Variants in NCAM2 observed in about 807,000 individuals in gnomAD.
The protein encoded by NCAM2 is N-CAM-2.
A neutral mutation model predicts 98.1 loss-of-function variants in NCAM2; 30 were observed. That is an observed-to-expected ratio of 0.31 (90% CI 0.23 to 0.41). The LOEUF is 0.41. Ranked by LOEUF, NCAM2 falls within the 10% of genes least tolerant of loss-of-function variation. NCAM2 has a pLI of 1.00. For synonymous variants in NCAM2, 368 were observed against 342.4 expected (o/e 1.07, Z -0.83); for missense variants, 867 against 1,005.8 (o/e 0.86, Z 1.87).
intron 1 of NCAM2, among the ~76,000 whole-genome samples, chr21:21,226,465 AC>A (rs902647854): frequency 2.8e-4 from 42 of 152,250 alleles, no homozygotes; most frequent in Non-Finnish European, 2.1e-4. Context: ...AATCCCTGAT[AC>A]AATTTTCTTT....
chr21:21,010,102 G>A (rs1445634347), intron 1 of NCAM2, among the ~76,000 whole-genome samples: 1 of 151,960 alleles, frequency 6.6e-6, no homozygotes, highest in Non-Finnish European at 1.5e-5. Context: ...AACACAGTTT[G>A]CAATTAAAGA....
chr21:21,389,078 G>A (rs546266420), intron 9 of NCAM2, among the ~76,000 whole-genome samples: 12 of 152,240 alleles, frequency 7.9e-5, no homozygotes, highest in South Asian at 2.1e-4. Context: ...AGAACTGTAC[G>A]AGTCTGTTCT....
intron 1 of NCAM2, among the ~76,000 whole-genome samples, chr21:21,251,553 C>G (rs2071471191): frequency 6.6e-6 from 1 of 152,040 alleles, no homozygotes; most frequent in Non-Finnish European, 1.5e-5. Context: ...TCCAGTCTAT[C>G]ATTGATGCGC....
intron 11 of NCAM2, among the ~76,000 whole-genome samples, chr21:21,424,545 G>A (rs982101497): frequency 6.6e-6 from 1 of 152,062 alleles, no homozygotes; most frequent in Non-Finnish European, 1.5e-5. Flanking sequence ...AACAGGTCCA[G>A]GGAAGATGAA....
At chr21:21,236,765 TG>T (rs1568813481) in intron 1 of NCAM2, among the ~76,000 whole-genome samples, 1 of 44,616 alleles carries the variant, frequency 2.2e-5, no homozygotes. Context: ...TATGTGTGTG[TG>T]TGTGTGTGTG....
intron 1 of NCAM2, among the ~76,000 whole-genome samples, chr21:21,007,975 C>A (rs2064141235): frequency 1.3e-5 from 2 of 152,128 alleles, no homozygotes; most frequent in Non-Finnish European, 2.9e-5. Flanking sequence ...TCCATTCTCT[C>A]ACTTAATTTT....
At chr21:21,332,198 A>G (rs779473092) in intron 6 of NCAM2, among the ~76,000 whole-genome samples, 4 of 152,084 alleles carry the variant, frequency 2.6e-5, no homozygotes, top group Non-Finnish European at 4.4e-5. Context: ...GTGAGCCACC[A>G]TGCCCAGCCA....
chr21:21,430,482 G>A (rs1328738844), intron 11 of NCAM2, among the ~76,000 whole-genome samples: 1 of 148,760 alleles, frequency 6.7e-6, no homozygotes, highest in Non-Finnish European at 1.5e-5. Context: ...TTGACTCACA[G>A]TTCTGCATTC....
chr21:21,038,261 T>A (rs1186857128), intron 1 of NCAM2, among the ~76,000 whole-genome samples: 1 of 152,256 alleles, frequency 6.6e-6, no homozygotes, highest in Non-Finnish European at 1.5e-5. Context: ...GCTGAAATTT[T>A]GTATATAAAA....
intron 8 of NCAM2, among the ~76,000 whole-genome samples, chr21:21,358,550 GT>G (rs2075559129): frequency 6.6e-6 from 1 of 151,872 alleles, no homozygotes. Flanking sequence ...AATTATTACG[GT>G]TTTGATATTA....
In NCAM2 at chr21:21,489,407, C is replaced by G. The variant is rs553655262; in HGVS notation, c.2077+11936C>G. 2.6e-5 allele frequency among the ~76,000 whole-genome samples: 4 copies of G among 151,868 alleles called. No individual in the cohort carries two copies. The South Asian group carries it at 6.2e-4, about 24-fold the overall frequency. ...CTATTTCTGTCTCTTCCTCCTTTCT[C>G]TTTCTCTCCATTTCTCTCTTTTGTT... is the stretch of plus-strand genomic sequence containing the variant. On this transcript the variant is annotated intron_variant, in intron 15 of 17. Coordinates refer to ENST00000400546, the MANE Select transcript of NCAM2 (RefSeq NM_004540.5).
chr21:21,023,210 T>A (rs1388517893), intron 1 of NCAM2, among the ~76,000 whole-genome samples: 3 of 152,160 alleles, frequency 2.0e-5, no homozygotes, highest in Non-Finnish European at 4.4e-5. Flanking sequence ...TGAAATGAGG[T>A]AACTGTACTA....
chr21:21,432,127 T>C lies in NCAM2; in HGVS notation c.1500T>C (p.Tyr500=), dbSNP rs368831351. Residue 500 remains tyrosine (Y), a synonymous_variant, in exon 12 of 18, where the codon TAT becomes TAC. Coordinates refer to ENST00000400546, the MANE Select transcript of NCAM2 (RefSeq NM_004540.5). ...LALADVPSSP[Y]GVKIIELSQT... ...CCATAGACGTGCCATCCAGTCCCTA[T>C]GGAGTGAAGATCATAGAGCTGTCGC... 1.9e-6 allele frequency: 3 copies of C among 1,613,922 alleles called. No homozygotes were observed. The highest frequency in any genetic ancestry group is 1.7e-5 in the Admixed American group (1 of 59,996).
chr21:21,026,652 G>C (rs924664515), intron 1 of NCAM2, among the ~76,000 whole-genome samples: 1 of 151,672 alleles, frequency 6.6e-6, no homozygotes, highest in African/African-American at 2.4e-5. Context: ...TTCAAATTTA[G>C]TATCTTTCCT....
chr21:21,181,239 A>G (rs1382098403), intron 1 of NCAM2, among the ~76,000 whole-genome samples: 1 of 152,088 alleles, frequency 6.6e-6, no homozygotes, highest in African/African-American at 2.4e-5. Context: ...TTTGAGTTCT[A>G]ATTTTTTATC....
At chr21:21,376,499 A>G (rs368495138) in intron 9 of NCAM2, among the ~76,000 whole-genome samples, 30 of 151,918 alleles carry the variant, frequency 2.0e-4, no homozygotes, top group East Asian at 9.7e-4. Context: ...AATGAATAAA[A>G]TATCAAATTA....
chr21:21,313,274 G>A (rs192796131), intron 5 of NCAM2, among the ~76,000 whole-genome samples: 63 of 151,216 alleles, frequency 4.2e-4, no homozygotes, highest in Admixed American at 1.9e-3. Flanking sequence ...TGCTTATTTT[G>A]CTCTTGTTTA....
chr21:21,543,255 A>G lies in NCAM2; in HGVS notation c.*5298A>G, dbSNP rs138633086. 3 of 152,100 alleles carry G rather than the reference A, an allele frequency of 2.0e-5. No individual in the cohort carries two copies. The East Asian group carries it at 5.8e-4, about 29-fold the overall frequency. The allele number at this position is 152,100 out of a possible 1,614,324, so 9.4% of individuals were successfully genotyped here. A position where few individuals can be genotyped will look rare whatever the true frequency, so the allele number is the denominator to read the frequency against. ...TTTTGTATTTATGAGAGACATTGAA[A>G]GTATGGCTTACAGTATATCAAACTT... On this transcript the variant is annotated 3_prime_UTR_variant, in exon 18 of 18. Coordinates refer to ENST00000400546, the MANE Select transcript of NCAM2 (RefSeq NM_004540.5).
intron 1 of NCAM2, among the ~76,000 whole-genome samples, chr21:21,269,594 T>C (rs1387709461): frequency 6.6e-6 from 1 of 152,198 alleles, no homozygotes; most frequent in Admixed American, 6.6e-5. Flanking sequence ...TTTAGAAATA[T>C]TTTGGAATGT....
Sources: gnomAD v4.1 joint callset for allele counts (sites outside exome capture counted in the v4.1 genomes callset) on GRCh38, gnomAD v4.1.1 for gene constraint, MANE v1.5 for transcripts, NCBI Gene and HGNC (gene_info 2026-07-23, HGNC 2026-07-21) for gene names.